GOLGA2: variants seen among roughly 807,000 people sequenced by gnomAD.
GOLGA2 encodes golgin subfamily A member 2.
Under a neutral mutation model 148.8 loss-of-function variants are expected in GOLGA2, and 49 were observed. That is an observed-to-expected ratio of 0.33 (90% CI 0.26 to 0.42). The LOEUF is 0.42. GOLGA2 is among the 10% of genes least tolerant of loss of function. The pLI is 1.00. For missense variants in GOLGA2, 1,178 were observed against 1,304.6 expected (o/e 0.90, Z 1.49); for synonymous variants, 501 against 511.8 (o/e 0.98, Z 0.28).
chr9:128,263,374 C>T (rs1455046937), intron 12 of GOLGA2, among the ~76,000 whole-genome samples: 1 of 152,172 alleles, frequency 6.6e-6, no homozygotes, highest in Non-Finnish European at 1.5e-5. Flanking sequence ...CCTCAGCCTC[C>T]TGAGTAGCTG....
intron 19 of GOLGA2, 86 bp from the exon 20 acceptor site, chr9:128,259,477 C>A (rs1199502890): frequency 1.8e-5 from 14 of 791,486 alleles, no homozygotes; most frequent in Non-Finnish European, 2.8e-5. Flanking sequence ...GGCTCTGTCA[C>A]CTGCCCAGAC....
chr9:128,267,925 C>T lies in GOLGA2; in HGVS notation c.501+9G>A. The T allele has an allele frequency of 1.2e-6, 2 of 1,606,512 alleles. No individual in the cohort carries two copies. Among genetic ancestry groups the T allele is most frequent in the Non-Finnish European group, 1.7e-6 (2 of 1,173,180 alleles). ...CCCACCCCGCTCTCGGCCTCAGTTC[C>T]TGAGGTACCTCACAAACAAGACCAT... On this transcript the variant is annotated intron_variant, in intron 6 of 26. Coordinates refer to ENST00000611957, the MANE Select transcript of GOLGA2 (RefSeq NM_001366244.2).
At chr9:128,263,197 C>T (rs994625843) in intron 12 of GOLGA2, 105 bp from the exon 13 acceptor site, 1 of 754,014 alleles carries the variant, frequency 1.3e-6, no homozygotes, top group Middle Eastern at 2.3e-4. Flanking sequence ...CTTCCTCACT[C>T]TCAATCACAC....
intron 12 of GOLGA2, 74 bp from the exon 13 acceptor site, chr9:128,263,166 A>G: frequency 1.2e-6 from 1 of 841,504 alleles, no homozygotes. Context: ...CAACAGCTAC[A>G]GTAAGTACTC....
chr9:128,271,844 G>A lies in GOLGA2; in HGVS notation c.288+941C>T, dbSNP rs1174990409. Among the ~76,000 whole-genome samples the A allele has an allele frequency of 6.6e-6, 1 of 152,100 alleles. No individual in the cohort carries two copies. Among genetic ancestry groups the A allele is most frequent in the Non-Finnish European group, 1.5e-5 (1 of 68,020 alleles). On this transcript the variant is annotated intron_variant, in intron 3 of 26. Transcript: ENST00000611957. The surrounding 1 kb of genome is among the most constrained non-coding windows in gnomAD (Gnocchi z 4.4). ...TTTATCAAAGTGCCTTTGTTGTCAA[G>A]AGCCCAATGAATATGGCTAAATGTC...
Position 128,271,564 on chromosome 9 carries a change from C to G in GOLGA2, c.288+1221G>C, listed in dbSNP as rs1830947664. Among the ~76,000 whole-genome samples the G allele has an allele frequency of 6.6e-6, 1 of 152,182 alleles. No individual in the cohort carries two copies. Among genetic ancestry groups the G allele is most frequent in the Non-Finnish European group, 1.5e-5 (1 of 68,046 alleles). ...GCTCCCTGTGTTCCTGAAAGGTGCT[C>G]TGTGAGTTCACACTCTGGCCACGGC... On this transcript the variant is annotated intron_variant, in intron 3 of 26. Transcript: ENST00000611957. This position sits in a 1 kb window ranked among gnomAD's most constrained non-coding sequence, Gnocchi z 4.4.
Position 128,258,894 on chromosome 9 carries a change from G to T in GOLGA2, c.2173+113C>A. On this transcript the variant is annotated intron_variant, in intron 21 of 26. Coordinates refer to ENST00000611957, the MANE Select transcript of GOLGA2 (RefSeq NM_001366244.2). The surrounding 1 kb of genome is among the most constrained non-coding windows in gnomAD (Gnocchi z 6.6). Reference sequence around the variant, plus strand: ...CCGAACTTAGTGTGGACACCCAGTTGGCATAATGACCAGCTGTTCTAAAGG... The same window carrying T: ...CCGAACTTAGTGTGGACACCCAGTTTGCATAATGACCAGCTGTTCTAAAGG... 3.8e-6 allele frequency: 3 copies of T among 786,750 alleles called. No homozygotes were observed. Among genetic ancestry groups the T allele is most frequent in the Admixed American group, 2.0e-5 (1 of 51,006 alleles). The allele number at this position is 786,750 out of a possible 1,614,324, so 48.7% of individuals were successfully genotyped here.
At chr9:128,262,971 C>A in intron 13 of GOLGA2, 63 bp downstream of exon 13, 5 of 1,131,600 alleles carry the variant, frequency 4.4e-6, no homozygotes, top group Non-Finnish European at 6.7e-6. Flanking sequence ...TACCCCCCAC[C>A]TCCCAGCACA....
In GOLGA2 at chr9:128,262,713, A is replaced by G. The variant is rs1199610569; in HGVS notation, c.993-9T>C. 1.2e-6 allele frequency: 2 copies of G among 1,610,126 alleles called. No homozygotes were observed. Among genetic ancestry groups the G allele is most frequent in the Admixed American group, 1.7e-5 (1 of 59,380 alleles). Reference sequence around the variant, plus strand: ...GGTCCTCATTGCTTTGGCTATGGCCAGAGGCAGTAGAGAAAGGAATGAACG... The same window carrying G: ...GGTCCTCATTGCTTTGGCTATGGCCGGAGGCAGTAGAGAAAGGAATGAACG... On this transcript the variant is annotated splice_polypyrimidine_tract_variant and intron_variant, in intron 13 of 26. Transcript: ENST00000611957.
Position 128,257,220 on chromosome 9 carries a change from A to C in GOLGA2, c.2937T>G (p.Gly979=), listed in dbSNP as rs1442285487. 1 of 1,613,518 alleles carries C rather than the reference A, an allele frequency of 6.2e-7. No individual in the cohort carries two copies. Among genetic ancestry groups the C allele is most frequent in the Admixed American group, 1.7e-5 (1 of 60,000 alleles). The change falls in exon 27 of 27, where the codon GGT becomes GGG. Residue 979 remains glycine, a synonymous_variant. Coordinates refer to ENST00000611957, the MANE Select transcript of GOLGA2 (RefSeq NM_001366244.2). The surrounding 1 kb of genome is among the most constrained non-coding windows in gnomAD (Gnocchi z 8.0). ...GTGCAGTGGGGTTGTCACGGGGAGA[A>C]CCCTCCCTGGCCTCTCCTTGGGCAG... The part of the protein sequence containing the change: ...VEPAQGEARE[G]SPRDNPTAQQ...
chr9:128,260,386 C>T lies in GOLGA2; in HGVS notation c.1758+79G>A. 8.1e-7 allele frequency: 1 copy of T among 1,236,272 alleles called. No individual in the cohort carries two copies. The highest frequency in any genetic ancestry group is 2.3e-5 in the East Asian group (1 of 43,074). The allele number at this position is 1,236,272 out of a possible 1,614,324, so 76.6% of individuals were successfully genotyped here. A position where few individuals can be genotyped will look rare whatever the true frequency, so the allele number is the denominator to read the frequency against. On this transcript the variant is annotated intron_variant, in intron 18 of 26. Coordinates refer to ENST00000611957, the MANE Select transcript of GOLGA2 (RefSeq NM_001366244.2). The surrounding 1 kb of genome is among the most constrained non-coding windows in gnomAD (Gnocchi z 4.8). ...AGTACCATTTCAAGTGAGGGCTACACTGCCCCACTTTACAGGTGGGAAAAC... is the reference window on the plus strand; with the variant it reads ...AGTACCATTTCAAGTGAGGGCTACATTGCCCCACTTTACAGGTGGGAAAAC...
intron 1 of GOLGA2, among the ~76,000 whole-genome samples, chr9:128,275,220 C>T (rs539902240): frequency 6.6e-6 from 1 of 152,264 alleles, no homozygotes; most frequent in African/African-American, 2.4e-5. Context: ...GTCCCCAATC[C>T]CCTTCCAGCT....
chr9:128,275,857 G>A (rs1479160595), intron 1 of GOLGA2, 36 bp downstream of exon 1: 4 of 1,130,390 alleles, frequency 3.5e-6, no homozygotes, highest in Non-Finnish European at 5.2e-6. Context: ...GTGGGGCTGG[G>A]GCTGGGTCGG....
At chr9:128,262,933 T>G (rs1830360937) in intron 13 of GOLGA2, 101 bp downstream of exon 13, 1 of 891,726 alleles carries the variant, frequency 1.1e-6, no homozygotes, top group African/African-American at 1.6e-5. Context: ...CATGCACACC[T>G]CTATGACTAC....
rs553978177 is a variant in GOLGA2 at position 128,257,997 on chromosome 9, C to G, written c.2491G>C (p.Ala831Pro). Residue 831 changes from alanine to proline, a missense_variant, in exon 23 of 27, where the codon GCC (alanine) becomes CCC (proline). Coordinates refer to ENST00000611957, the MANE Select transcript of GOLGA2 (RefSeq NM_001366244.2). The surrounding 1 kb of genome is among the most constrained non-coding windows in gnomAD (Gnocchi z 8.0). The part of the protein sequence containing the change: ...CGETHRALQG[A>P]MEKLQSRFME... ...TCATTCACCTGCAGCTTCTCCATGG[C>G]CCCCTGCAGGGCCCGGTGGGTCTCC... is the stretch of plus-strand genomic sequence containing the variant. The G allele has an allele frequency of 6.2e-7, 1 of 1,607,872 alleles. No homozygotes were observed. The highest frequency in any genetic ancestry group is 1.7e-5 in the Admixed American group (1 of 59,588).
Position 128,257,338 on chromosome 9 carries a change from C to T in GOLGA2, c.2875+31G>A, listed in dbSNP as rs903198977. The stretch of plus-strand genomic sequence containing the variant: ...CCACGCGAGCCCTCCCTTACTCCTG[C>T]CTGCCCACCCCTCCCGAGGGCTCTA... On this transcript the variant is annotated intron_variant, in intron 26 of 26. Transcript: ENST00000611957. The surrounding 1 kb of genome is among the most constrained non-coding windows in gnomAD (Gnocchi z 8.0). 1.9e-6 allele frequency: 3 copies of T among 1,612,868 alleles called. No homozygotes were observed. In the African/African-American group the frequency reaches 4.0e-5, roughly 22 times the overall value.
intron 19 of GOLGA2, among the ~76,000 whole-genome samples, chr9:128,259,869 T>C (rs1830140979): frequency 1.3e-5 from 2 of 152,200 alleles, no homozygotes; most frequent in South Asian, 4.1e-4. Context: ...TGCCTCTAGC[T>C]GGGACGATGA....
chr9:128,261,584 G>A lies in GOLGA2; in HGVS notation c.1225-23C>T, dbSNP rs1441590860. Reference sequence around the variant, plus strand: ...TACCTGCAAGAATGGCCACAGAAATGAGGAAGGACTGTCACTGGTTGTCAC... The same window carrying A: ...TACCTGCAAGAATGGCCACAGAAATAAGGAAGGACTGTCACTGGTTGTCAC... On this transcript the variant is annotated intron_variant, in intron 15 of 26. Transcript: ENST00000611957. This position sits in a 1 kb window ranked among gnomAD's most constrained non-coding sequence, Gnocchi z 5.7. 2.0e-6 allele frequency: 3 copies of A among 1,534,376 alleles called. No individual in the cohort carries two copies. The highest frequency in any genetic ancestry group is 2.7e-5 in the African/African-American group (2 of 73,404).
At chr9:128,273,329 GGAA>G (rs1206282172) in intron 2 of GOLGA2, among the ~76,000 whole-genome samples, 1 of 152,206 alleles carries the variant, frequency 6.6e-6, no homozygotes, top group Non-Finnish European at 1.5e-5. Flanking sequence ...GAGGCCCAGG[GGAA>G]GAAGTGGTTT....
Sources: allele counts gnomAD v4.1 joint callset (sites outside exome capture counted in the v4.1 genomes callset), GRCh38; gene constraint gnomAD v4.1.1; non-coding constraint Gnocchi (gnomAD v3.1); transcripts MANE v1.5; gene names NCBI Gene and HGNC (gene_info 2026-07-23, HGNC 2026-07-21).